ARHGAP42: variants seen among roughly 807,000 people sequenced by gnomAD.
ARHGAP42 encodes the protein rho GTPase-activating protein 42.
Under a neutral mutation model 125.0 loss-of-function variants are expected in ARHGAP42, and 63 were observed. The ratio of observed to expected loss-of-function variants is 0.50; its 90% CI spans 0.41 to 0.62. ARHGAP42 has a LOEUF of 0.62. Among genes scored for constraint, ARHGAP42 ranks in the 20% least tolerant of loss-of-function variants. ARHGAP42 has a pLI of 0.00. For synonymous variants in ARHGAP42, 339 were observed against 351.0 expected, an observed-to-expected ratio of 0.97 and a Z score of 0.38; for missense variants, 766 against 1,024.2, an observed-to-expected ratio of 0.75 and a Z score of 3.44.
At chr11:100,768,391 G>C (rs891248585) in intron 1 of ARHGAP42, among the ~76,000 whole-genome samples, 5 of 152,072 alleles carry the variant, frequency 3.3e-5, no homozygotes, top group African/African-American at 4.8e-5. Flanking sequence ...TGAGGGTAGG[G>C]GATTCTTTCT....
chr11:100,940,068 A>G (rs1466770791), intron 8 of ARHGAP42, among the ~76,000 whole-genome samples: 3 of 152,156 alleles, frequency 2.0e-5, no homozygotes, highest in South Asian at 2.1e-4. Context: ...ATTAAGTATT[A>G]TAGTGTGAAA....
intron 18 of ARHGAP42, among the ~76,000 whole-genome samples, chr11:100,973,805 T>C (rs1238322019): frequency 2.0e-5 from 3 of 152,200 alleles, no homozygotes; most frequent in Non-Finnish European, 4.4e-5. Flanking sequence ...TTTTGAAAGC[T>C]GAATTAGTTG....
intron 23 of ARHGAP42, 117 bp from the exon 24 acceptor site, chr11:100,988,596 C>A (rs1292853349): frequency 1.6e-5 from 12 of 758,460 alleles, no homozygotes; most frequent in Non-Finnish European, 2.5e-5. Context: ...GGTCCTGGAA[C>A]TAATCCCCCA....
intron 10 of ARHGAP42, among the ~76,000 whole-genome samples, 151 bp downstream of exon 10, chr11:100,944,019 CATG>C (rs1354084522): frequency 1.3e-5 from 2 of 152,030 alleles, no homozygotes; most frequent in African/African-American, 4.8e-5. Context: ...GTTGTTATTA[CATG>C]ATGCTTTCGA....
chr11:100,851,206 C>G (rs1186280768), intron 3 of ARHGAP42, among the ~76,000 whole-genome samples: 1 of 152,024 alleles, frequency 6.6e-6, no homozygotes, highest in African/African-American at 2.4e-5. Context: ...TTCTATGGTG[C>G]TAGACTGTGA....
intron 1 of ARHGAP42, among the ~76,000 whole-genome samples, chr11:100,748,922 C>T (rs1050491065): frequency 6.6e-6 from 1 of 152,174 alleles, no homozygotes; most frequent in Admixed American, 6.5e-5. Context: ...CTCTCTCTCT[C>T]TTTCTCTCTC....
chr11:100,919,348 G>C (rs183731502), intron 5 of ARHGAP42, among the ~76,000 whole-genome samples: 18 of 152,184 alleles, frequency 1.2e-4, no homozygotes, highest in African/African-American at 4.1e-4. Context: ...TTAGCAGTTA[G>C]AGTGATGTGA....
chr11:100,876,807 A>G (rs1326128908), intron 4 of ARHGAP42, among the ~76,000 whole-genome samples: 1 of 152,224 alleles, frequency 6.6e-6, no homozygotes, highest in Non-Finnish European at 1.5e-5. Flanking sequence ...CACTTAATAC[A>G]GCTTCTTACT....
rs1858839651 is a variant in ARHGAP42, at chr11:100,991,874, TG to T, written c.*3074del. The T allele has an allele frequency of 1.3e-5, 2 of 154,020 alleles. No homozygotes were observed. Among genetic ancestry groups the T allele is most frequent in the South Asian group, 4.1e-4 (2 of 4,898 alleles). 9.5% of individuals were successfully genotyped at this position (154,020 alleles called of 1,614,324 possible). ...TTCAGAGATAGTGAAGGAAAAAAAA[TG>T]TATTAAAACCCCAAATTATCTAGGT... On this transcript the variant is annotated 3_prime_UTR_variant, in exon 24 of 24. Coordinates refer to ENST00000298815, the MANE Select transcript of ARHGAP42 (RefSeq NM_152432.4).
At chr11:100,724,832 A>G (rs1028581939) in intron 1 of ARHGAP42, among the ~76,000 whole-genome samples, 3 of 102,626 alleles carry the variant, frequency 2.9e-5, no homozygotes, top group Non-Finnish European at 6.0e-5. Flanking sequence ...CCTACTTTTT[A>G]TTTCTTTTTT....
chr11:100,926,210 T>C (rs536225634), intron 6 of ARHGAP42, among the ~76,000 whole-genome samples: 2 of 152,350 alleles, frequency 1.3e-5, no homozygotes, highest in African/African-American at 2.4e-5. Context: ...GCAACTACTA[T>C]GTGCTATGTG....
At chr11:100,979,775 T>A (rs1001898944) in intron 22 of ARHGAP42, among the ~76,000 whole-genome samples, 1 of 152,078 alleles carries the variant, frequency 6.6e-6, no homozygotes, top group African/African-American at 2.4e-5. Context: ...AGCATATAAA[T>A]GTGAGAACTT....
intron 8 of ARHGAP42, among the ~76,000 whole-genome samples, chr11:100,937,429 T>A (rs1867766139): frequency 6.6e-6 from 1 of 152,174 alleles, no homozygotes; most frequent in Non-Finnish European, 1.5e-5. Flanking sequence ...TATTTTTTTT[T>A]TATTGTTATG....
At chr11:100,705,962 G>C (rs1451463903) in intron 1 of ARHGAP42, among the ~76,000 whole-genome samples, 1 of 150,158 alleles carries the variant, frequency 6.7e-6, no homozygotes, top group African/African-American at 2.4e-5. Context: ...GTACTTCTGT[G>C]GAATAGTTAA....
At chr11:100,860,568 T>A (rs1245948927) in intron 4 of ARHGAP42, among the ~76,000 whole-genome samples, 3 of 152,072 alleles carry the variant, frequency 2.0e-5, no homozygotes, top group African/African-American at 7.2e-5. Context: ...TGTATATACC[T>A]GACACTAATC....
intron 1 of ARHGAP42, among the ~76,000 whole-genome samples, chr11:100,751,323 C>T (rs1862452153): frequency 7.3e-6 from 1 of 137,590 alleles, no homozygotes; most frequent in Non-Finnish European, 1.6e-5. Flanking sequence ...GCTCTGTTTC[C>T]AGGCTGGAAT....
In ARHGAP42 at chr11:100,737,805, A is replaced by T. The variant is rs115021623; in HGVS notation, c.155-32538A>T. 5.0e-3 allele frequency among the ~76,000 whole-genome samples: 756 copies of T among 152,328 alleles called. 5 individuals are homozygous for T. Among genetic ancestry groups the T allele is most frequent in the African/African-American group, 0.017 (719 of 41,566 alleles). On this transcript the variant is annotated intron_variant, in intron 1 of 23. Transcript: ENST00000298815. ...TGGCAGTAAATGCTAACAGATTTAT[A>T]TTGATAAGCTGCTGGGAGAGGACTT...
chr11:100,703,933 T>A (rs1020415357), intron 1 of ARHGAP42, among the ~76,000 whole-genome samples: 3 of 152,292 alleles, frequency 2.0e-5, no homozygotes, highest in African/African-American at 4.8e-5. Flanking sequence ...TTCCTAGGTG[T>A]CTCTTATGAT....
At chr11:100,961,370 A>G (rs1387444947) in intron 14 of ARHGAP42, among the ~76,000 whole-genome samples, 1 of 152,060 alleles carries the variant, frequency 6.6e-6, no homozygotes, top group Non-Finnish European at 1.5e-5. Context: ...CCTGCCTCTT[A>G]AGAGTTGTGA....
Sources: allele counts gnomAD v4.1 joint callset (sites outside exome capture counted in the v4.1 genomes callset), GRCh38; gene constraint gnomAD v4.1.1; transcripts MANE v1.5; gene names NCBI Gene and HGNC (gene_info 2026-07-23, HGNC 2026-07-21).